Variants in ASIC2 observed in about 807,000 individuals in gnomAD.
ASIC2 encodes the protein acid sensing ion channel subunit 2.
ASIC2 carries 25 observed loss-of-function variants against 57.3 expected under a neutral mutation model. The ratio of observed to expected loss-of-function variants is 0.44; its 90% CI spans 0.32 to 0.61. The LOEUF (loss-of-function observed/expected upper bound fraction) is 0.61, where lower values mean the gene tolerates loss of function less well. Ranked by LOEUF, ASIC2 falls within the 20% of genes least tolerant of loss-of-function variation. The pLI is 0.06. For synonymous variants in ASIC2, 319 were observed against 307.5 expected (o/e 1.04, Z -0.39); for missense variants, 641 against 738.1 (o/e 0.87, Z 1.52).
chr17:34,048,481 T>C (rs1388656507), intron 1 of ASIC2, among the ~76,000 whole-genome samples: 1 of 152,232 alleles, frequency 6.6e-6, no homozygotes, highest in African/African-American at 2.4e-5. Flanking sequence ...TGCTTTATTT[T>C]CAGCACTGCT....
At chr17:33,527,710 C>T (rs1033911024) in intron 1 of ASIC2, among the ~76,000 whole-genome samples, 1 of 152,164 alleles carries the variant, frequency 6.6e-6, no homozygotes, top group Non-Finnish European at 1.5e-5. Flanking sequence ...TTTACACACT[C>T]ATTTTAGGGA....
chr17:33,139,500 C>T (rs1281023034), intron 1 of ASIC2, among the ~76,000 whole-genome samples: 1 of 152,194 alleles, frequency 6.6e-6, no homozygotes, highest in Non-Finnish European at 1.5e-5. Flanking sequence ...TTGGGCACAG[C>T]CCCCCACAAC....
chr17:33,818,194 G>A (rs1360409254), intron 1 of ASIC2, among the ~76,000 whole-genome samples: 7 of 152,120 alleles, frequency 4.6e-5, no homozygotes, highest in Non-Finnish European at 1.5e-5. Context: ...TGTGGGAAGG[G>A]AAAAACATTG....
intron 1 of ASIC2, among the ~76,000 whole-genome samples, chr17:33,858,444 C>T (rs1203443951): frequency 6.6e-6 from 1 of 152,232 alleles, no homozygotes; most frequent in Non-Finnish European, 1.5e-5. Flanking sequence ...GCGATTCCCT[C>T]TGTGCTCTCA....
At chr17:33,506,190 T>G (rs1350690403) in intron 1 of ASIC2, among the ~76,000 whole-genome samples, 1 of 144,256 alleles carries the variant, frequency 6.9e-6, no homozygotes, top group Non-Finnish European at 1.5e-5. Flanking sequence ...GTCAGGAGAT[T>G]GAGACCATCC....
intron 1 of ASIC2, among the ~76,000 whole-genome samples, chr17:33,709,789 C>T (rs1393492789): frequency 6.6e-6 from 1 of 152,158 alleles, no homozygotes. Context: ...TGCAGAGAGA[C>T]AGAACAAGTT....
At chr17:33,745,707 C>G (rs910423027) in intron 1 of ASIC2, among the ~76,000 whole-genome samples, 1 of 151,910 alleles carries the variant, frequency 6.6e-6, no homozygotes, top group Non-Finnish European at 1.5e-5. Flanking sequence ...GAAAAACTAT[C>G]TTTCAAAAAT....
intron 3 of ASIC2, among the ~76,000 whole-genome samples, chr17:33,069,789 C>A (rs1418302262): frequency 1.3e-5 from 2 of 151,752 alleles, no homozygotes; most frequent in African/African-American, 4.8e-5. Flanking sequence ...TTTTTTTAAT[C>A]CAGTTTGGCA....
rs73988506 is a variant in ASIC2, at chr17:34,138,767, C to G, written c.555+17211G>C. Among the ~76,000 whole-genome samples, 1,356 of 152,308 alleles carry G rather than the reference C, an allele frequency of 8.9e-3. 25 individuals carry two copies. Among genetic ancestry groups the G allele is most frequent in the African/African-American group, 0.031 (1,302 of 41,560 alleles). Reference sequence around the variant, plus strand: ...GGAGTCCTACCAACCTTCGCTCTCTCCTTTCACCCACAGTCATTCTTTCAG... The same window carrying G: ...GGAGTCCTACCAACCTTCGCTCTCTGCTTTCACCCACAGTCATTCTTTCAG... On this transcript the variant is annotated intron_variant, in intron 1 of 9. Coordinates refer to the ASIC2 transcript ENST00000359872.
chr17:33,583,068 C>T (rs1904494332), intron 1 of ASIC2, among the ~76,000 whole-genome samples: 1 of 152,186 alleles, frequency 6.6e-6, no homozygotes, highest in South Asian at 2.1e-4. Flanking sequence ...TCTACAAAGG[C>T]TCATTGAAAA....
chr17:33,965,814 TG>T (rs1022064041), intron 1 of ASIC2, among the ~76,000 whole-genome samples: 1 of 152,190 alleles, frequency 6.6e-6, no homozygotes, highest in African/African-American at 2.4e-5. Context: ...GACCACCACC[TG>T]GGGAAGTAGC....
upstream of ASIC2, among the ~76,000 whole-genome samples, chr17:33,297,856 A>C (rs983459925): frequency 6.8e-6 from 1 of 146,532 alleles, no homozygotes; most frequent in African/African-American, 2.7e-5. Context: ...ATAAATAAAT[A>C]AATAAATAAA....
In ASIC2 at chr17:33,243,640, C is replaced by T. The variant is rs75009784; in HGVS notation, c.708+47768G>A. The stretch of plus-strand genomic sequence containing the variant: ...GTTGAGGGAATTCAACATACAGGAA[C>T]GATCCCTCCGGGAAGATTTAAACAC... On this transcript the variant is annotated intron_variant, in intron 1 of 9. Transcript: ENST00000225823. 9.7e-3 allele frequency among the ~76,000 whole-genome samples: 1,484 copies of T among 152,234 alleles called. 52 individuals carry two copies. In the East Asian group the frequency reaches 0.12, roughly 13 times the overall value.
At chr17:33,780,548 A>G (rs1363547027) in intron 1 of ASIC2, among the ~76,000 whole-genome samples, 1 of 152,240 alleles carries the variant, frequency 6.6e-6, no homozygotes, top group African/African-American at 2.4e-5. Context: ...TTTTACAGCC[A>G]AAGGGACCTG....
chr17:33,910,284 C>G (rs1041861593), intron 1 of ASIC2, among the ~76,000 whole-genome samples: 2 of 152,164 alleles, frequency 1.3e-5, no homozygotes, highest in African/African-American at 4.8e-5. Flanking sequence ...GTGTGGCAGA[C>G]AGTGTGTCTG....
At chr17:33,035,588 C>G (rs11658376) in intron 3 of ASIC2, among the ~76,000 whole-genome samples, 1,767 of 152,174 alleles carry the variant, frequency 0.012, 29 homozygotes, top group Middle Eastern at 0.014. Context: ...GGGTTTAGCC[C>G]CTGGTCTTGG....
At chr17:33,568,578 A>C (rs9899597) in intron 1 of ASIC2, among the ~76,000 whole-genome samples, 83,062 of 151,908 alleles carry the variant, frequency 0.55, 24,535 homozygotes, top group African/African-American at 0.79. Context: ...GACACCATTC[A>C]CGACCCTCGA....
intron 1 of ASIC2, among the ~76,000 whole-genome samples, chr17:34,034,196 G>A (rs564237868): frequency 1.3e-5 from 2 of 152,148 alleles, no homozygotes; most frequent in African/African-American, 4.8e-5. Flanking sequence ...GGAATGCAAG[G>A]CTGGTTCAAC....
intron 1 of ASIC2, chr17:33,579,974 G>A (rs979191762): frequency 1.3e-5 from 2 of 152,112 alleles, no homozygotes; most frequent in African/African-American, 4.8e-5. Flanking sequence ...ACAGAGTGCT[G>A]ATTGGTATGT....
Sources: gnomAD v4.1 joint callset for allele counts (sites outside exome capture counted in the v4.1 genomes callset) on GRCh38, gnomAD v4.1.1 for gene constraint, MANE v1.5 for transcripts, NCBI Gene and HGNC (gene_info 2026-07-23, HGNC 2026-07-21) for gene names.